TMEM192: variants seen among roughly 807,000 people sequenced by gnomAD.
TMEM192 encodes transmembrane protein 192.
A neutral mutation model predicts 26.7 loss-of-function variants in TMEM192; 20 were observed. The ratio of observed to expected loss-of-function variants is 0.75; its 90% CI spans 0.53 to 1.09. TMEM192 has a LOEUF of 1.09. Among genes scored for constraint, TMEM192 ranks in the 50% least tolerant of loss-of-function variants. The pLI, the probability that TMEM192 is intolerant of heterozygous loss-of-function variation, is 0.00. For synonymous variants in TMEM192, 124 were observed against 121.0 expected, an observed-to-expected ratio of 1.02 and a Z score of -0.16; for missense variants, 304 against 322.6, an observed-to-expected ratio of 0.94 and a Z score of 0.44.
intron 2 of TMEM192, among the ~76,000 whole-genome samples, chr4:165,101,101 C>T (rs565062655): frequency 4.0e-5 from 6 of 150,982 alleles, no homozygotes; most frequent in South Asian, 2.1e-4. Context: ...CTCAGCCTCC[C>T]GAGTAGCTGG....
At chr4:165,091,013 C>A (rs1216973286) in intron 3 of TMEM192, among the ~76,000 whole-genome samples, 1 of 151,122 alleles carries the variant, frequency 6.6e-6, no homozygotes, top group African/African-American at 2.4e-5. Flanking sequence ...AGCCTGTAAT[C>A]CCAGCACTTT....
chr4:165,088,664 A>G, intron 3 of TMEM192, 62 bp from the exon 4 acceptor site: 1 of 1,484,260 alleles, frequency 6.7e-7, no homozygotes, highest in Non-Finnish European at 9.1e-7. Flanking sequence ...TCTTTGTCCA[A>G]TAGATAGTTG....
intron 1 of TMEM192, among the ~76,000 whole-genome samples, 195 bp from the exon 2 acceptor site, chr4:165,103,291 A>T (rs1162589400): frequency 6.6e-6 from 1 of 151,988 alleles, no homozygotes; most frequent in Non-Finnish European, 1.5e-5. Flanking sequence ...TTAATTTTTT[A>T]AAAACTGTAG....
chr4:165,077,652 G>A lies in TMEM192; in HGVS notation c.*2006C>T, dbSNP rs903664364. On this transcript the variant is annotated 3_prime_UTR_variant, in exon 6 of 6. Transcript: ENST00000306480. ...CCCAGCTACTCAGCAGGCTGAGGTA[G>A]GAGAATTTCTTAATCCCGGGAGGCG... 1 of 152,268 alleles carries A rather than the reference G, an allele frequency of 6.6e-6. No homozygotes were observed. The highest frequency in any genetic ancestry group is 1.5e-5 in the Non-Finnish European group (1 of 68,144). 9.4% of individuals were successfully genotyped at this position (152,268 alleles called of 1,614,324 possible). A position where few individuals can be genotyped will look rare whatever the true frequency, so the allele number is the denominator to read the frequency against.
chr4:165,103,866 CTG>C (rs1735104617), intron 1 of TMEM192, among the ~76,000 whole-genome samples: 1 of 152,102 alleles, frequency 6.6e-6, no homozygotes, highest in African/African-American at 2.4e-5. Flanking sequence ...GAGGGTTTCA[CTG>C]TGTTGGCCAT....
rs1180444114 is a variant in TMEM192 at position 165,075,436 on chromosome 4, T to G, written c.*4222A>C. ...ATGTTGCTAATATTTTTGTATTTTTTGTAGAGATAGGGTTTCACCATGCTG... is the reference window on the plus strand; with the variant it reads ...ATGTTGCTAATATTTTTGTATTTTTGGTAGAGATAGGGTTTCACCATGCTG... On this transcript the variant is annotated 3_prime_UTR_variant, in exon 6 of 6. Transcript: ENST00000306480. The G allele has an allele frequency of 6.6e-6, 1 of 151,472 alleles. No individual in the cohort carries two copies. The highest frequency in any genetic ancestry group is 1.5e-5 in the Non-Finnish European group (1 of 67,920). The allele number at this position is 151,472 out of a possible 1,614,324, so 9.4% of individuals were successfully genotyped here. A position where few individuals can be genotyped will look rare whatever the true frequency, so the allele number is the denominator to read the frequency against.
At chr4:165,089,344 G>A (rs1196297396) in intron 3 of TMEM192, among the ~76,000 whole-genome samples, 4 of 151,654 alleles carry the variant, frequency 2.6e-5, no homozygotes, top group African/African-American at 7.3e-5. Context: ...TTTTGGAGAC[G>A]GAGTCTCACT....
At chr4:165,089,840 G>C (rs1734712562) in intron 3 of TMEM192, among the ~76,000 whole-genome samples, 1 of 152,152 alleles carries the variant, frequency 6.6e-6, no homozygotes, top group African/African-American at 2.4e-5. Context: ...CTGCACTTTG[G>C]AGTATGGTGT....
intron 5 of TMEM192, among the ~76,000 whole-genome samples, chr4:165,085,172 C>G (rs1354094255): frequency 6.7e-6 from 1 of 150,174 alleles, no homozygotes; most frequent in African/African-American, 2.4e-5. Context: ...TACTGGGAGG[C>G]TGAGGCAGGA....
chr4:165,084,886 C>CGGGCTGGCTGTTTGGG (rs1238564783), intron 5 of TMEM192, among the ~76,000 whole-genome samples: 3 of 151,942 alleles, frequency 2.0e-5, no homozygotes, highest in African/African-American at 7.2e-5. Flanking sequence ...GTGGGCAGAC[C>CGGGCTGGCTGTTTGGG]GGGCTGGCTG....
chr4:165,073,821 C>T lies in TMEM192; in HGVS notation c.*5837G>A, dbSNP rs1010003938. ...TCTAGCCTACATGCACATCCGGACA[C>T]AGTACCTTTCCTTGAACTTATTCAT... On this transcript the variant is annotated 3_prime_UTR_variant, in exon 6 of 6. Transcript: ENST00000306480. 3.9e-5 allele frequency: 6 copies of T among 152,196 alleles called. No individual in the cohort carries two copies. The highest frequency in any genetic ancestry group is 1.2e-4 in the African/African-American group (5 of 41,444). The allele number at this position is 152,196 out of a possible 1,614,324, so 9.4% of individuals were successfully genotyped here.
intron 1 of TMEM192, among the ~76,000 whole-genome samples, chr4:165,108,278 C>T (rs11100601): frequency 0.15 from 22,163 of 151,712 alleles, 2,030 homozygotes; most frequent in Non-Finnish European, 0.2. Flanking sequence ...CCCAGCACCA[C>T]GCCCGGCTAA....
intron 3 of TMEM192, among the ~76,000 whole-genome samples, chr4:165,098,979 G>C (rs1045427465): frequency 6.6e-6 from 1 of 152,068 alleles, no homozygotes. Context: ...TGGGATTACA[G>C]GCATGAGCCA....
intron 3 of TMEM192, among the ~76,000 whole-genome samples, chr4:165,089,847 G>T (rs972103739): frequency 1.3e-5 from 2 of 152,132 alleles, no homozygotes; most frequent in Non-Finnish European, 1.5e-5. Context: ...TTGGAGTATG[G>T]TGTTCTGAAT....
In TMEM192 at chr4:165,112,680, C is replaced by T. The variant is rs894310673; in HGVS notation, c.27+67G>A. ...GTGGCTTCCCTCTCTGAGTCTCCGC[C>T]CCGTGCGCCCCGGCACAAGAAAAAG... is the stretch of plus-strand genomic sequence containing the variant. On this transcript the variant is annotated intron_variant, in intron 1 of 5. Coordinates refer to ENST00000306480, the MANE Select transcript of TMEM192 (RefSeq NM_001100389.2). The T allele has an allele frequency of 6.3e-6, 10 of 1,595,918 alleles. No homozygotes were observed. The African/African-American group carries it at 1.3e-4, about 21-fold the overall frequency.
In TMEM192 at chr4:165,073,537, G is replaced by A. The variant is rs1325826216; in HGVS notation, c.*6121C>T. 6.6e-6 allele frequency: 1 copy of A among 152,074 alleles called. No individual in the cohort carries two copies. Among genetic ancestry groups the A allele is most frequent in the East Asian group, 1.9e-4 (1 of 5,160 alleles). 9.4% of individuals were successfully genotyped at this position (152,074 alleles called of 1,614,324 possible). Reference sequence around the variant, plus strand: ...AAAGGAAAGGCCTTACCATCCCCCAGCCCGACACCTGTAAAGGGTCTGTGC... The same window carrying A: ...AAAGGAAAGGCCTTACCATCCCCCAACCCGACACCTGTAAAGGGTCTGTGC... On this transcript the variant is annotated 3_prime_UTR_variant, in exon 6 of 6. Coordinates refer to ENST00000306480, the MANE Select transcript of TMEM192 (RefSeq NM_001100389.2).
At position 165,112,601 on chromosome 4, in the gene TMEM192, G is replaced by C. The variant is rs935838769; in HGVS notation, c.27+146C>G. On this transcript the variant is annotated intron_variant, in intron 1 of 5. Transcript: ENST00000306480. ...GAGCCCTCCCAAAGCCCCGCGCCCA[G>C]GCCTCCCCGGGCACAGGCGGCGCCC... The C allele has an allele frequency of 1.6e-5, 19 of 1,221,006 alleles. No homozygotes were observed. In the African/African-American group the frequency reaches 2.5e-4, roughly 16 times the overall value. 75.6% of individuals were successfully genotyped at this position (1,221,006 alleles called of 1,614,324 possible).
At chr4:165,112,454 C>A (rs578176930) in intron 1 of TMEM192, among the ~76,000 whole-genome samples, 4 of 152,342 alleles carry the variant, frequency 2.6e-5, no homozygotes, top group African/African-American at 9.6e-5. Flanking sequence ...GTACCCCGCA[C>A]GTGGGCTGGG....
At chr4:165,100,940 G>C in intron 2 of TMEM192, 48 bp from the exon 3 acceptor site, 1 of 1,484,222 alleles carries the variant, frequency 6.7e-7, no homozygotes, top group Non-Finnish European at 9.0e-7. Flanking sequence ...TTTGTAATTA[G>C]GAAGCAATAA....
Sources: gnomAD v4.1 joint callset for allele counts (sites outside exome capture counted in the v4.1 genomes callset) on GRCh38, gnomAD v4.1.1 for gene constraint, MANE v1.5 for transcripts, NCBI Gene and HGNC (gene_info 2026-07-23, HGNC 2026-07-21) for gene names.